MLLT3: variants seen among roughly 807,000 people sequenced by gnomAD.
MLLT3 encodes the protein protein AF-9.
A neutral mutation model predicts 53.2 loss-of-function variants in MLLT3; 4 were observed. That is an observed-to-expected ratio of 0.08 (90% CI 0.04 to 0.17). The LOEUF (loss-of-function observed/expected upper bound fraction) is 0.17. Ranked by LOEUF, MLLT3 falls within the 10% of genes least tolerant of loss-of-function variation. The probability of loss-of-function intolerance (pLI) is 1.00; values close to 1 mark genes in which losing one functional copy is unlikely to be tolerated. For missense variants in MLLT3, 569 were observed against 684.0 expected (o/e 0.83, Z 1.87); for synonymous variants, 283 against 230.6 (o/e 1.23, Z -2.06).
At chr9:20,437,351 GCTT>G (rs1563965357) in intron 4 of MLLT3, among the ~76,000 whole-genome samples, 2 of 152,060 alleles carry the variant, frequency 1.3e-5, no homozygotes, top group Non-Finnish European at 2.9e-5. Context: ...TTTAATTACA[GCTT>G]TTTTTAATTA....
At chr9:20,447,684 G>A (rs1823738668) in intron 4 of MLLT3, among the ~76,000 whole-genome samples, 2 of 152,122 alleles carry the variant, frequency 1.3e-5, no homozygotes, top group Non-Finnish European at 2.9e-5. Context: ...CAAACATGTA[G>A]TATGAGTGAA....
intron 3 of MLLT3, among the ~76,000 whole-genome samples, chr9:20,449,353 T>A (rs1313616666): frequency 6.6e-6 from 1 of 152,100 alleles, no homozygotes; most frequent in Non-Finnish European, 1.5e-5. Flanking sequence ...TAGGACAAAA[T>A]AGCATCCTAT....
chr9:20,610,762 C>T (rs1373023603), intron 2 of MLLT3, among the ~76,000 whole-genome samples: 3 of 152,082 alleles, frequency 2.0e-5, no homozygotes, highest in Non-Finnish European at 2.9e-5. Context: ...AAGCATGTAA[C>T]ACATAACACG....
intron 2 of MLLT3, among the ~76,000 whole-genome samples, chr9:20,460,342 AG>A (rs376255973): frequency 1.3e-5 from 2 of 152,246 alleles, no homozygotes; most frequent in African/African-American, 4.8e-5. Flanking sequence ...ATTCACCTTT[AG>A]AAAGCCATTA....
At chr9:20,462,183 G>A (rs1159891241) in intron 2 of MLLT3, among the ~76,000 whole-genome samples, 2 of 152,174 alleles carry the variant, frequency 1.3e-5, no homozygotes, top group African/African-American at 4.8e-5. Context: ...AAAATCAACA[G>A]TTGAGTTTTG....
intron 4 of MLLT3, among the ~76,000 whole-genome samples, chr9:20,426,492 C>A (rs936164916): frequency 6.6e-6 from 1 of 152,044 alleles, no homozygotes; most frequent in South Asian, 2.1e-4. Flanking sequence ...CTGACACACA[C>A]AAATTTAATA....
rs559583397 is a variant in MLLT3 at position 20,621,668 on chromosome 9, G to C, written c.12+577C>G. The C allele has an allele frequency of 5.7e-3, 6,693 of 1,168,950 alleles. 31 individuals carry two copies. The highest frequency in any genetic ancestry group is 6.5e-3 in the Non-Finnish European group (5,663 of 867,250). The allele number at this position is 1,168,950 out of a possible 1,614,324, so 72.4% of individuals were successfully genotyped here. A position where few individuals can be genotyped will look rare whatever the true frequency, so the allele number is the denominator to read the frequency against. ...GGCGGGCGGACAGCCGCCGAGCCTC[G>C]GCTCGCGCTCAGCACCTCCCGGCGC... On this transcript the variant is annotated intron_variant, in intron 1 of 10. Coordinates refer to ENST00000380338, the MANE Select transcript of MLLT3 (RefSeq NM_004529.4). This position sits in a 1 kb window ranked among gnomAD's most constrained non-coding sequence, Gnocchi z 7.0.
At position 20,510,995 on chromosome 9, in the gene MLLT3, A is replaced by T. The variant is rs543388514; in HGVS notation, c.194-54209T>A. 3.9e-5 allele frequency among the ~76,000 whole-genome samples: 6 copies of T among 152,372 alleles called. No individual in the cohort carries two copies. In the South Asian group the frequency reaches 1.2e-3, roughly 32 times the overall value. On this transcript the variant is annotated intron_variant, in intron 2 of 10. Coordinates refer to ENST00000380338, the MANE Select transcript of MLLT3 (RefSeq NM_004529.4). ...ATAGAATATTATGCAGCCATTAAAA[A>T]TAATGAATTATATATCTGCATCTAT...
At chr9:20,419,458 T>C (rs1363918052) in intron 4 of MLLT3, among the ~76,000 whole-genome samples, 3 of 147,570 alleles carry the variant, frequency 2.0e-5, no homozygotes, top group Non-Finnish European at 4.5e-5. Flanking sequence ...ATTAAAGTAA[T>C]ATGGAAAAAA....
At chr9:20,616,158 C>G (rs1243264019) in intron 2 of MLLT3, among the ~76,000 whole-genome samples, 1 of 152,072 alleles carries the variant, frequency 6.6e-6, no homozygotes, top group Non-Finnish European at 1.5e-5. Flanking sequence ...ATTTCAACCT[C>G]AACTTATGAG....
intron 3 of MLLT3, among the ~76,000 whole-genome samples, chr9:20,453,264 A>T (rs1463089637): frequency 6.6e-6 from 1 of 152,170 alleles, no homozygotes. Flanking sequence ...TTTATCTTTT[A>T]AAGAAATAAA....
intron 2 of MLLT3, among the ~76,000 whole-genome samples, chr9:20,472,614 TA>T (rs1473190793): frequency 6.6e-6 from 1 of 152,038 alleles, no homozygotes; most frequent in East Asian, 1.9e-4. Context: ...CAGATGGGCT[TA>T]AACCAACTAT....
intron 1 of MLLT3, 25 bp downstream of exon 1, chr9:20,622,220 T>C: frequency 6.2e-7 from 1 of 1,600,640 alleles, no homozygotes; most frequent in Non-Finnish European, 8.5e-7. Flanking sequence ...GGAGGGCTTT[T>C]ATTATTATTT....
intron 2 of MLLT3, among the ~76,000 whole-genome samples, chr9:20,603,284 A>G (rs978653193): frequency 1.3e-5 from 2 of 152,084 alleles, no homozygotes; most frequent in African/African-American, 4.8e-5. Flanking sequence ...CCTTCTATTT[A>G]TAACCAGAAA....
chr9:20,434,012 T>G (rs756725785), intron 4 of MLLT3, among the ~76,000 whole-genome samples: 10 of 151,434 alleles, frequency 6.6e-5, no homozygotes, highest in Non-Finnish European at 1.2e-4. Flanking sequence ...TCCCAGCTAC[T>G]CAGGAGGATG....
chr9:20,467,240 C>T (rs1824259489), intron 2 of MLLT3, among the ~76,000 whole-genome samples: 1 of 152,004 alleles, frequency 6.6e-6, no homozygotes, highest in South Asian at 2.1e-4. Context: ...CTCAGCCTAT[C>T]AACTAGCTGG....
intron 10 of MLLT3, among the ~76,000 whole-genome samples, chr9:20,352,432 C>G (rs886694114): frequency 1.3e-5 from 2 of 152,250 alleles, no homozygotes; most frequent in Non-Finnish European, 2.9e-5. Flanking sequence ...CAAAAGAGGC[C>G]TAAGAAGAAT....
chr9:20,477,241 T>C, intron 2 of MLLT3, among the ~76,000 whole-genome samples: 1 of 152,156 alleles, frequency 6.6e-6, no homozygotes, highest in Non-Finnish European at 1.5e-5. Context: ...AGTGTTGACT[T>C]TAAGGTTTGC....
At chr9:20,541,590 T>C (rs10120064) in intron 2 of MLLT3, among the ~76,000 whole-genome samples, 108,665 of 152,042 alleles carry the variant, frequency 0.71, 39,252 homozygotes, top group East Asian at 0.86. Context: ...CTCACTATCA[T>C]AAGGCCCGCA....
Sources: gnomAD v4.1 joint callset for allele counts (sites outside exome capture counted in the v4.1 genomes callset) on GRCh38, gnomAD v4.1.1 for gene constraint, Gnocchi (gnomAD v3.1) non-coding constraint, MANE v1.5 for transcripts, NCBI Gene and HGNC (gene_info 2026-07-23, HGNC 2026-07-21) for gene names.